MCTP2: variants seen among roughly 807,000 people sequenced by gnomAD.
The protein encoded by MCTP2 is multiple C2 and transmembrane domain containing 2.
MCTP2 carries 132 observed loss-of-function variants against 111.6 expected under a neutral mutation model. The ratio of observed to expected loss-of-function variants is 1.18; its 90% CI spans 1.03 to 1.37. MCTP2 has a LOEUF of 1.37. Among genes scored for constraint, MCTP2 ranks in the 40% most tolerant of loss-of-function variants. The probability of loss-of-function intolerance (pLI) is 0.00; values close to 1 mark genes in which losing one functional copy is unlikely to be tolerated. For missense variants in MCTP2, 1,183 were observed against 1,067.9 expected (o/e 1.11, Z -1.50); for synonymous variants, 395 against 387.7 (o/e 1.02, Z -0.22).
At chr15:94,430,385 A>C (rs2083108077) in intron 17 of MCTP2, among the ~76,000 whole-genome samples, 1 of 128,328 alleles carries the variant, frequency 7.8e-6, no homozygotes, top group African/African-American at 3.0e-5. Context: ...AAAAAAACCC[A>C]AAAACAATCA....
At position 94,440,271 on chromosome 15, in the gene MCTP2, C is replaced by T. The variant is rs1012798056; in HGVS notation, c.2181C>T (p.Gly727=). 6.2e-7 allele frequency: 1 copy of T among 1,613,966 alleles called. No individual in the cohort carries two copies. Among genetic ancestry groups the T allele is most frequent in the Admixed American group, 1.7e-5 (1 of 59,998 alleles). ...ACAATTTCATCAGACCTGTGAAAGGCAAGGTCAGCAGCATCCAGGACAGCC... is the reference window on the plus strand; with the variant it reads ...ACAATTTCATCAGACCTGTGAAAGGTAAGGTCAGCAGCATCCAGGACAGCC... ...FVYNFIRPVK[G]KVSSIQDSQE... is the part of the protein sequence containing the mutation. Residue 727 remains glycine (G), a synonymous_variant, in exon 18 of 23, where the codon GGC becomes GGT. Transcript: ENST00000357742.
chr15:94,370,156 G>C lies in MCTP2; in HGVS notation c.1558G>C (p.Asp520His). The stretch of plus-strand genomic sequence containing the variant: ...ACAAGTGAAGGTTTTAAAGGCAGCA[G>C]ATCTCTTAGCGGCAGATTTCTCAGG... The part of the protein sequence containing the change: ...ILQVKVLKAA[D>H]LLAADFSGKS... Residue 520 changes from aspartate to histidine, a missense_variant, in exon 12 of 23, where the codon GAT becomes CAT. Physicochemically the swap from Asp to His is moderately conservative, Grantham distance 81 (BLOSUM62 -1). Coordinates refer to ENST00000357742, the MANE Select transcript of MCTP2 (RefSeq NM_001385001.1). 1 of 1,613,064 alleles carries C rather than the reference G, an allele frequency of 6.2e-7. No individual in the cohort carries two copies. Among genetic ancestry groups the C allele is most frequent in the Non-Finnish European group, 8.5e-7 (1 of 1,179,506 alleles).
At chr15:94,271,046 G>T (rs970742486) in intron 1 of MCTP2, among the ~76,000 whole-genome samples, 1 of 152,132 alleles carries the variant, frequency 6.6e-6, no homozygotes, top group Non-Finnish European at 1.5e-5. Context: ...GGTAACACTT[G>T]GTTGTATTAC....
chr15:94,251,597 G>A (rs141487122), intron 1 of MCTP2, among the ~76,000 whole-genome samples: 5,774 of 152,164 alleles, frequency 0.038, 218 homozygotes, highest in East Asian at 0.12. Flanking sequence ...GACGTCGGGT[G>A]ATCCACCTGC....
At chr15:94,403,221 A>G in intron 17 of MCTP2, 3 of 985,388 alleles carry the variant, frequency 3.0e-6, no homozygotes, top group Non-Finnish European at 2.4e-6. Context: ...TTGCTAAAAC[A>G]TTTGGCCTTA....
chr15:94,465,388 T>C (rs2073182072), intron 20 of MCTP2, among the ~76,000 whole-genome samples: 1 of 152,168 alleles, frequency 6.6e-6, no homozygotes, highest in Non-Finnish European at 1.5e-5. Flanking sequence ...GTTTACTTTA[T>C]AAATTAGGTA....
intron 4 of MCTP2, among the ~76,000 whole-genome samples, chr15:94,319,471 G>A (rs1026862242): frequency 2.6e-5 from 4 of 152,160 alleles, no homozygotes; most frequent in East Asian, 3.8e-4. Context: ...TCTGAGCCCC[G>A]CACACAGACT....
intron 17 of MCTP2, chr15:94,402,245 C>T (rs1023511813): frequency 3.9e-5 from 37 of 949,618 alleles, no homozygotes; most frequent in Non-Finnish European, 4.6e-5. Flanking sequence ...AAATGTTTCT[C>T]CAGTTGTTGT....
intron 2 of MCTP2, among the ~76,000 whole-genome samples, chr15:94,300,037 A>G (rs151208920): frequency 1.3e-5 from 2 of 152,222 alleles, no homozygotes; most frequent in Non-Finnish European, 2.9e-5. Flanking sequence ...AATGAAGTAG[A>G]TTATTAAATC....
At chr15:94,325,907 C>A (rs1211170985) in intron 4 of MCTP2, among the ~76,000 whole-genome samples, 1 of 149,260 alleles carries the variant, frequency 6.7e-6, no homozygotes, top group Non-Finnish European at 1.5e-5. Context: ...GCAACCTCTG[C>A]CTCTCTGGTT....
At chr15:94,402,150 TG>T in intron 17 of MCTP2, 131 bp downstream of exon 17, 1 of 1,348,332 alleles carries the variant, frequency 7.4e-7, no homozygotes, top group Non-Finnish European at 9.9e-7. Context: ...CAAATTTACC[TG>T]GGAAACCCCT....
At chr15:94,466,830 ATATTAGTAT>A (rs2073366325) in intron 20 of MCTP2, among the ~76,000 whole-genome samples, 10 of 151,292 alleles carry the variant, frequency 6.6e-5, no homozygotes, top group Admixed American at 6.6e-4. Context: ...TTTTCTGTTG[ATATTAGTAT>A]TTTACTTTCT....
rs191352381 is a variant in MCTP2, at chr15:94,311,255, G to A, written c.466-3027G>A. On this transcript the variant is annotated intron_variant, in intron 2 of 22. Transcript: ENST00000357742. ...TTGGCCAGGCTGGTCTCGAACTCCT[G>A]ACCTCAGGTGATCCGCCCACCTTGG... 9.2e-5 allele frequency among the ~76,000 whole-genome samples: 14 copies of A among 152,038 alleles called. No homozygotes were observed. In the East Asian group the frequency reaches 2.7e-3, roughly 29 times the overall value.
intron 1 of MCTP2, among the ~76,000 whole-genome samples, chr15:94,245,397 TGTGTGTATATATTTATATAC>T (rs2071818270): frequency 1.9e-5 from 1 of 52,730 alleles, no homozygotes; most frequent in African/African-American, 6.5e-5. Context: ...TTTATATACA[TGTGTGTATATATTTATATAC>T]ATGTGTGTAT....
intron 4 of MCTP2, among the ~76,000 whole-genome samples, chr15:94,320,292 G>A (rs961657974): frequency 4.0e-5 from 6 of 151,800 alleles, no homozygotes; most frequent in Admixed American, 6.6e-5. Flanking sequence ...ACAGGCACCC[G>A]CCACCACGCC....
At chr15:94,424,774 G>T (rs187185548) in intron 17 of MCTP2, among the ~76,000 whole-genome samples, 2 of 152,224 alleles carry the variant, frequency 1.3e-5, no homozygotes, top group East Asian at 3.9e-4. Flanking sequence ...GGGTACTTTG[G>T]TGAGGTCTTA....
At chr15:94,467,294 A>C (rs997639317) in intron 20 of MCTP2, among the ~76,000 whole-genome samples, 10 of 152,096 alleles carry the variant, frequency 6.6e-5, no homozygotes, top group Admixed American at 2.6e-4. Flanking sequence ...GTTGCCACCT[A>C]GCTATGGATT....
rs2073823435 is a variant in MCTP2, at chr15:94,470,437, T to C, written c.2465T>C (p.Ile822Thr). ...YFIPLRYIIL[I>T]WGINKFTKKL... ...ATTCCACTGCGGTACATCATTTTAA[T>C]CTGGGGTAAGTTTGGAATGGTCCTT... Residue 822 changes from isoleucine (I) to threonine (T), a missense_variant, in exon 21 of 23, where the codon ATC (isoleucine) becomes ACC (threonine). Coordinates refer to ENST00000357742, the MANE Select transcript of MCTP2 (RefSeq NM_001385001.1). 2 of 1,604,986 alleles carry C rather than the reference T, an allele frequency of 1.2e-6. No individual in the cohort carries two copies. The highest frequency in any genetic ancestry group is 1.7e-6 in the Non-Finnish European group (2 of 1,171,804).
chr15:94,404,396 G>T (rs949743833), intron 17 of MCTP2, among the ~76,000 whole-genome samples: 4 of 151,208 alleles, frequency 2.6e-5, no homozygotes, highest in South Asian at 2.1e-4. Flanking sequence ...CTGCCTCCCG[G>T]GTTCAAGCGA....
Sources: gnomAD v4.1 joint callset for allele counts (sites outside exome capture counted in the v4.1 genomes callset) on GRCh38, gnomAD v4.1.1 for gene constraint, MANE v1.5 for transcripts, NCBI Gene and HGNC (gene_info 2026-07-23, HGNC 2026-07-21) for gene names.